The following MC2R variants were observed in gnomAD, a reference collection of about 807,000 sequenced individuals.
MC2R encodes adrenocorticotropic hormone receptor.
In MC2R, 9 loss-of-function variants were observed where a neutral mutation model predicts 9.8. That is an observed-to-expected ratio of 0.92 (90% confidence interval 0.55 to 1.60). The LOEUF (loss-of-function observed/expected upper bound fraction) is 1.60, where lower values mean the gene tolerates loss of function less well. Ranked by LOEUF, MC2R falls within the 40% of genes most tolerant of loss-of-function variation. The pLI, the probability that MC2R is intolerant of heterozygous loss-of-function variation, is 0.00. For missense variants in MC2R, 370 were observed against 389.0 expected, an observed-to-expected ratio of 0.95 and a Z score of 0.41; for synonymous variants, 185 against 154.7, an observed-to-expected ratio of 1.20 and a Z score of -1.45.
chr18:13,897,966 G>T (rs2045356638), intron 1 of MC2R, among the ~76,000 whole-genome samples: 1 of 151,932 alleles, frequency 6.6e-6, no homozygotes, highest in Non-Finnish European at 1.5e-5. Flanking sequence ...GCTATGGGGT[G>T]AGATTCCTTC....
At chr18:13,895,862 C>A (rs536875235) in intron 1 of MC2R, among the ~76,000 whole-genome samples, 1 of 152,066 alleles carries the variant, frequency 6.6e-6, no homozygotes, top group Admixed American at 6.6e-5. Flanking sequence ...CATGAGGCAG[C>A]GAGAAGCAAG....
rs1005290429 is a variant in MC2R, at chr18:13,882,708, G to T, written c.*1917C>A. On this transcript the variant is annotated 3_prime_UTR_variant, in exon 2 of 2. Transcript: ENST00000327606. ...CAGAGCATTGCAGCATCAAAAAAAG[G>T]TTACCTCTTATTGAGAATACGCACT... 5.9e-5 allele frequency: 9 copies of T among 152,246 alleles called. No homozygotes were observed. Among genetic ancestry groups the T allele is most frequent in the Non-Finnish European group, 1.3e-4 (9 of 68,016 alleles). 9.4% of individuals were successfully genotyped at this position (152,246 alleles called of 1,614,324 possible).
At chr18:13,912,315 C>G (rs11874559) in intron 1 of MC2R, among the ~76,000 whole-genome samples, 79,627 of 151,978 alleles carry the variant, frequency 0.52, 22,033 homozygotes, top group African/African-American at 0.71. Flanking sequence ...GATAAGAAAA[C>G]GGAGGCTCAG....
chr18:13,900,480 G>A (rs2045372380), intron 1 of MC2R, among the ~76,000 whole-genome samples: 1 of 151,982 alleles, frequency 6.6e-6, no homozygotes, highest in Non-Finnish European at 1.5e-5. Flanking sequence ...TGAAAAACAT[G>A]ACCCATTGAT....
chr18:13,885,380 G>C lies in MC2R; in HGVS notation c.139C>G (p.Leu47Val). The change falls in exon 2 of 2, where the codon CTG becomes GTG. Residue 47 changes from leucine (L) to valine (V), a missense_variant. Physicochemically the swap from Leu to Val is conservative, Grantham distance 32. Coordinates refer to ENST00000327606, the MANE Select transcript of MC2R (RefSeq NM_000529.2). ...VGVLENLIVLLAVFKNKNLQA... is the reference protein window; with the variant it reads ...VGVLENLIVLVAVFKNKNLQA... ...AGATTCTTATTCTTGAACACAGCCA[G>C]CAGGACGATCAGATTCTCCAAAACT... 1 of 1,614,208 alleles carries C rather than the reference G, an allele frequency of 6.2e-7. No homozygotes were observed.
chr18:13,883,012 T>C lies in MC2R; in HGVS notation c.*1613A>G, dbSNP rs915513279. 1 of 152,308 alleles carries C rather than the reference T, an allele frequency of 6.6e-6. No homozygotes were observed. The highest frequency in any genetic ancestry group is 2.4e-5 in the African/African-American group (1 of 41,452). The allele number at this position is 152,308 out of a possible 1,614,324, so 9.4% of individuals were successfully genotyped here. On this transcript the variant is annotated 3_prime_UTR_variant, in exon 2 of 2. Transcript: ENST00000327606. ...AAGCACGCCTGCCACTGTCCTCACT[T>C]GACTCCAGCTGCCTTGCCTCCTTTG...
intron 1 of MC2R, among the ~76,000 whole-genome samples, chr18:13,901,896 C>A (rs978608627): frequency 6.6e-6 from 1 of 152,134 alleles, no homozygotes; most frequent in East Asian, 1.9e-4. Flanking sequence ...ACCAGTATTA[C>A]CCTGACACCA....
intron 1 of MC2R, among the ~76,000 whole-genome samples, chr18:13,885,914 T>C (rs186116724): frequency 6.6e-6 from 1 of 152,166 alleles, no homozygotes; most frequent in Non-Finnish European, 1.5e-5. Context: ...AAGAATAAGG[T>C]CATGTCTTTT....
chr18:13,892,144 C>T (rs2045318924), intron 1 of MC2R, among the ~76,000 whole-genome samples: 1 of 152,140 alleles, frequency 6.6e-6, no homozygotes, highest in Admixed American at 6.5e-5. Flanking sequence ...GTGCTGGGGG[C>T]TAGGGAATGG....
intron 1 of MC2R, among the ~76,000 whole-genome samples, chr18:13,907,527 C>T (rs11873019): frequency 0.49 from 74,004 of 152,014 alleles, 18,449 homozygotes; most frequent in Middle Eastern, 0.6. Context: ...CAGGTGGAAC[C>T]ATACCAAGAT....
intron 1 of MC2R, among the ~76,000 whole-genome samples, chr18:13,913,918 AC>A (rs1367771773): frequency 2.0e-5 from 3 of 152,302 alleles, no homozygotes; most frequent in Admixed American, 2.0e-4. Flanking sequence ...CCTGCAGACA[AC>A]CTGGCCCACA....
chr18:13,903,342 A>G (rs7232413), intron 1 of MC2R, among the ~76,000 whole-genome samples: 73,962 of 151,978 alleles, frequency 0.49, 18,434 homozygotes, highest in Middle Eastern at 0.61. Flanking sequence ...CTACTGTTGG[A>G]TATATACCCA....
chr18:13,913,248 C>T (rs2045456470), intron 1 of MC2R, among the ~76,000 whole-genome samples: 1 of 152,104 alleles, frequency 6.6e-6, no homozygotes, highest in South Asian at 2.1e-4. Context: ...TGGACCACCA[C>T]CTTCCACCCG....
At chr18:13,903,970 T>A (rs953139578) in intron 1 of MC2R, among the ~76,000 whole-genome samples, 4 of 144,914 alleles carry the variant, frequency 2.8e-5, no homozygotes, top group African/African-American at 1.1e-4. Flanking sequence ...AAAAGAGAGT[T>A]TAGGTTTTTA....
Position 13,889,152 on chromosome 18 carries a change from G to A in MC2R, c.-128-3506C>T, listed in dbSNP as rs531981155. Among the ~76,000 whole-genome samples, 4 of 152,252 alleles carry A rather than the reference G, an allele frequency of 2.6e-5. No individual in the cohort carries two copies. In the South Asian group the frequency reaches 8.3e-4, roughly 32 times the overall value. Reference sequence around the variant, plus strand: ...CCACTTTAGCTTCCCAAGGCACTGGGGATTACAGATATGAACCATCCCACC... The same window carrying A: ...CCACTTTAGCTTCCCAAGGCACTGGAGATTACAGATATGAACCATCCCACC... On this transcript the variant is annotated intron_variant, in intron 1 of 1. Transcript: ENST00000327606.
At chr18:13,898,813 T>C (rs59001731) in intron 1 of MC2R, among the ~76,000 whole-genome samples, 1,891 of 152,362 alleles carry the variant, frequency 0.012, 25 homozygotes, top group African/African-American at 0.043. Context: ...ACAGTGTTAC[T>C]GGGCTTGGAG....
intron 1 of MC2R, among the ~76,000 whole-genome samples, chr18:13,902,840 G>A (rs1376596418): frequency 6.6e-6 from 1 of 152,082 alleles, no homozygotes. Flanking sequence ...ATGGACAAAT[G>A]GGACCACATC....
At chr18:13,910,848 C>T (rs1166390229) in intron 1 of MC2R, among the ~76,000 whole-genome samples, 1 of 152,240 alleles carries the variant, frequency 6.6e-6, no homozygotes, top group Non-Finnish European at 1.5e-5. Flanking sequence ...TCATGCCAAC[C>T]ACAGTGGGGG....
intron 1 of MC2R, among the ~76,000 whole-genome samples, chr18:13,914,969 G>A (rs1186347191): frequency 6.6e-6 from 1 of 152,250 alleles, no homozygotes; most frequent in Non-Finnish European, 1.5e-5. Flanking sequence ...GAAAGGCACA[G>A]AAAGTGTGCG....
Sources: allele counts gnomAD v4.1 joint callset (sites outside exome capture counted in the v4.1 genomes callset), GRCh38; gene constraint gnomAD v4.1.1; transcripts MANE v1.5; gene names NCBI Gene and HGNC (gene_info 2026-07-23, HGNC 2026-07-21).